The following GALNTL6 variants were observed in gnomAD, a reference collection of about 807,000 sequenced individuals.
GALNTL6 encodes the protein polypeptide N-acetylgalactosaminyltransferase-like 6.
In GALNTL6, 46 loss-of-function variants were observed where a neutral mutation model predicts 73.7. The observed-to-expected ratio is 0.62, with a 90% CI of 0.49 to 0.80. The LOEUF is 0.80. Among genes scored for constraint, GALNTL6 ranks in the 30% least tolerant of loss-of-function variants. The pLI, the probability that GALNTL6 is intolerant of heterozygous loss-of-function variation, is 0.00. For synonymous variants in GALNTL6, 259 were observed against 263.7 expected, an observed-to-expected ratio of 0.98 and a Z score of 0.17; for missense variants, 604 against 755.0, an observed-to-expected ratio of 0.80 and a Z score of 2.34.
chr4:172,432,897 T>A (rs1731507276), intron 5 of GALNTL6, among the ~76,000 whole-genome samples: 1 of 152,196 alleles, frequency 6.6e-6, no homozygotes. Flanking sequence ...ATACTATCAA[T>A]CTAACTTTTA....
At chr4:172,664,536 G>C (rs1348698247) in intron 5 of GALNTL6, among the ~76,000 whole-genome samples, 1 of 152,164 alleles carries the variant, frequency 6.6e-6, no homozygotes, top group Non-Finnish European at 1.5e-5. Flanking sequence ...TTAGGTGAGA[G>C]AGCCATTTTG....
chr4:172,413,274 C>T (rs897800001), intron 5 of GALNTL6, among the ~76,000 whole-genome samples: 1 of 152,192 alleles, frequency 6.6e-6, no homozygotes. Context: ...ACATCTACCA[C>T]AAGTAGACAC....
chr4:172,866,357 T>C (rs1561001686), intron 7 of GALNTL6, among the ~76,000 whole-genome samples: 1 of 152,186 alleles, frequency 6.6e-6, no homozygotes, highest in Non-Finnish European at 1.5e-5. Flanking sequence ...GGCTTTGGTG[T>C]CACACTCTCT....
At chr4:172,421,943 A>T (rs562749546) in intron 5 of GALNTL6, among the ~76,000 whole-genome samples, 33 of 88,532 alleles carry the variant, frequency 3.7e-4, no homozygotes, top group African/African-American at 9.6e-4. Flanking sequence ...TAGCTGTGTG[A>T]AAGTGTGTTT....
intron 7 of GALNTL6, among the ~76,000 whole-genome samples, chr4:172,830,159 T>C (rs977960476): frequency 1.3e-5 from 2 of 152,190 alleles, no homozygotes; most frequent in African/African-American, 4.8e-5. Flanking sequence ...ATAAAGAGAA[T>C]TTTTCCTAAA....
At chr4:172,494,950 A>T (rs972183789) in intron 5 of GALNTL6, among the ~76,000 whole-genome samples, 1 of 152,168 alleles carries the variant, frequency 6.6e-6, no homozygotes, top group East Asian at 1.9e-4. Flanking sequence ...AATACTTTGC[A>T]TCATTTGCAA....
intron 5 of GALNTL6, among the ~76,000 whole-genome samples, chr4:172,471,217 A>G (rs2111463212): frequency 6.6e-6 from 1 of 152,280 alleles, no homozygotes; most frequent in Middle Eastern, 3.4e-3. Flanking sequence ...AGGTTGATCA[A>G]TATTTTTAAT....
chr4:172,527,084 T>C (rs1734985542), intron 5 of GALNTL6, among the ~76,000 whole-genome samples: 1 of 152,184 alleles, frequency 6.6e-6, no homozygotes, highest in African/African-American at 2.4e-5. Context: ...TTACATACAG[T>C]ATAACCACAG....
At chr4:172,273,314 G>C (rs554326002) in intron 3 of GALNTL6, among the ~76,000 whole-genome samples, 1 of 152,132 alleles carries the variant, frequency 6.6e-6, no homozygotes, top group East Asian at 1.9e-4. Flanking sequence ...TTTCAGTGGG[G>C]GCCATACCAC....
At chr4:172,061,948 T>G (rs935996519) in intron 2 of GALNTL6, among the ~76,000 whole-genome samples, 22 of 146,138 alleles carry the variant, frequency 1.5e-4, no homozygotes, top group Admixed American at 1.4e-3. Context: ...TTATCCACTT[T>G]TTTTTTTTTT....
intron 5 of GALNTL6, among the ~76,000 whole-genome samples, chr4:172,388,430 A>C (rs545501582): frequency 6.6e-6 from 1 of 152,172 alleles, no homozygotes; most frequent in Non-Finnish European, 1.5e-5. Context: ...TAAAGTTTAC[A>C]TATATGCCAC....
At chr4:172,821,862 G>A (rs1741947626) in intron 7 of GALNTL6, among the ~76,000 whole-genome samples, 1 of 152,206 alleles carries the variant, frequency 6.6e-6, no homozygotes, top group Non-Finnish European at 1.5e-5. Flanking sequence ...AACATGGGCA[G>A]AGATGTTCCA....
intron 3 of GALNTL6, among the ~76,000 whole-genome samples, chr4:172,276,435 G>A (rs1738835091): frequency 6.6e-6 from 1 of 152,148 alleles, no homozygotes; most frequent in Non-Finnish European, 1.5e-5. Flanking sequence ...TTTGAAGAAA[G>A]TGAACTATTT....
intron 5 of GALNTL6, among the ~76,000 whole-genome samples, chr4:172,685,449 G>A (rs1389966178): frequency 6.6e-6 from 1 of 152,022 alleles, no homozygotes; most frequent in African/African-American, 2.4e-5. Context: ...GTTCACTACT[G>A]CTTATAGTGA....
intron 5 of GALNTL6, among the ~76,000 whole-genome samples, chr4:172,805,549 T>C (rs929081151): frequency 6.6e-6 from 1 of 152,158 alleles, no homozygotes; most frequent in African/African-American, 2.4e-5. Flanking sequence ...TATTCACTGG[T>C]TGTCTGGACC....
intron 2 of GALNTL6, among the ~76,000 whole-genome samples, chr4:171,949,555 G>A (rs920154144): frequency 3.3e-5 from 5 of 152,122 alleles, no homozygotes; most frequent in Admixed American, 6.5e-5. Context: ...AAGGTGAGGG[G>A]CAGAAAGTAG....
intron 5 of GALNTL6, among the ~76,000 whole-genome samples, chr4:172,498,543 G>A (rs915612923): frequency 1.3e-5 from 2 of 152,082 alleles, no homozygotes; most frequent in African/African-American, 4.8e-5. Flanking sequence ...ATATCCATTT[G>A]GGAGGGAAGG....
intron 2 of GALNTL6, among the ~76,000 whole-genome samples, chr4:172,183,973 A>G (rs1735339871): frequency 6.6e-6 from 1 of 151,904 alleles, no homozygotes; most frequent in Non-Finnish European, 1.5e-5. Flanking sequence ...TTGTATTTTT[A>G]GTAGAGACGG....
chr4:172,714,701 T>C (rs963169873), intron 5 of GALNTL6, among the ~76,000 whole-genome samples: 21 of 152,106 alleles, frequency 1.4e-4, no homozygotes, highest in African/African-American at 4.3e-4. Context: ...AATCAATACA[T>C]AGGCCATTTA....
Sources: allele counts gnomAD v4.1 joint callset (sites outside exome capture counted in the v4.1 genomes callset), GRCh38; gene constraint gnomAD v4.1.1; transcripts MANE v1.5; gene names NCBI Gene and HGNC (gene_info 2026-07-23, HGNC 2026-07-21).